Variants in SAP130 observed in about 807,000 individuals in gnomAD.
SAP130 encodes the protein histone deacetylase complex subunit SAP130.
SAP130 carries 16 observed loss-of-function variants against 103.2 expected under a neutral mutation model. The ratio of observed to expected loss-of-function variants is 0.16; its 90% CI spans 0.10 to 0.24. The LOEUF (loss-of-function observed/expected upper bound fraction) is 0.24. SAP130 is among the 10% of genes least tolerant of loss of function. The pLI, the probability that SAP130 is intolerant of heterozygous loss-of-function variation, is 1.00. For missense variants in SAP130, 990 were observed against 1,359.7 expected, an observed-to-expected ratio of 0.73 and a Z score of 4.28; for synonymous variants, 477 against 497.0, an observed-to-expected ratio of 0.96 and a Z score of 0.53.
intron 1 of SAP130, chr2:128,027,440 C>G (rs1012939822): frequency 1.8e-6 from 2 of 1,112,510 alleles, no homozygotes; most frequent in Admixed American, 1.0e-4. Flanking sequence ...CAGGCGCGAG[C>G]CTGGCCGGGG....
chr2:127,971,004 G>A (rs1053849962), intron 15 of SAP130, among the ~76,000 whole-genome samples: 1 of 151,660 alleles, frequency 6.6e-6, no homozygotes, highest in African/African-American at 2.4e-5. Context: ...AGGCTGCAGT[G>A]GAATGACATG....
At chr2:128,027,223 G>A (rs1685576234) in intron 1 of SAP130, 2 of 1,204,030 alleles carry the variant, frequency 1.7e-6, no homozygotes, top group Non-Finnish European at 2.1e-6. Flanking sequence ...GGCGCCCGGG[G>A]CCCGCTGCTG....
chr2:128,007,114 A>T (rs1684037000), intron 7 of SAP130, among the ~76,000 whole-genome samples: 1 of 152,252 alleles, frequency 6.6e-6, no homozygotes, highest in South Asian at 2.1e-4. Flanking sequence ...AAAAATAAAA[A>T]GCCTACCCCT....
In SAP130 at chr2:127,996,031, T is replaced by C. The variant is rs966158515; in HGVS notation, c.1355+319A>G. On this transcript the variant is annotated intron_variant, in intron 11 of 20. Transcript: ENST00000643581. This position sits in a 1 kb window ranked among gnomAD's most constrained non-coding sequence, Gnocchi z 4.3. The stretch of plus-strand genomic sequence containing the variant: ...ACCGCGGTGACATCAAAGAATGTCT[T>C]TACTCTTCCGTGCTACAAATGGAGG... Among the ~76,000 whole-genome samples, 1 of 152,160 alleles carries C rather than the reference T, an allele frequency of 6.6e-6. No individual in the cohort carries two copies. Among genetic ancestry groups the C allele is most frequent in the African/African-American group, 2.4e-5 (1 of 41,436 alleles).
chr2:127,941,871 T>C lies in SAP130; in HGVS notation c.*135A>G. The C allele has an allele frequency of 1.3e-6, 1 of 798,808 alleles. No individual in the cohort carries two copies. The highest frequency in any genetic ancestry group is 2.0e-6 in the Non-Finnish European group (1 of 494,602). 49.5% of individuals were successfully genotyped at this position (798,808 alleles called of 1,614,324 possible). A position where few individuals can be genotyped will look rare whatever the true frequency, so the allele number is the denominator to read the frequency against. ...TTTCACGCCCTTGGATGTCATGGGT[T>C]CCTCTGCTTTCACACGGGAACTAAG... On this transcript the variant is annotated 3_prime_UTR_variant, in exon 21 of 21. Coordinates refer to ENST00000643581, the MANE Select transcript of SAP130 (RefSeq NM_001330301.2).
At chr2:128,005,296 T>C (rs1683874147) in intron 7 of SAP130, among the ~76,000 whole-genome samples, 1 of 151,924 alleles carries the variant, frequency 6.6e-6, no homozygotes, top group Non-Finnish European at 1.5e-5. Context: ...AAAGCAACAT[T>C]AAAGGGAACA....
intron 18 of SAP130, among the ~76,000 whole-genome samples, chr2:127,947,771 T>TGTGAGTGTGTGTGTGC (rs1241776801): frequency 7.0e-6 from 1 of 142,534 alleles, no homozygotes; most frequent in Non-Finnish European, 1.5e-5. Flanking sequence ...TGTCTGTGTG[T>TGTGAGTGTGTGTGTGC]GTGTGTGTGT....
At chr2:127,957,501 C>T (rs1679925809) in intron 15 of SAP130, among the ~76,000 whole-genome samples, 2 of 151,864 alleles carry the variant, frequency 1.3e-5, no homozygotes, top group Non-Finnish European at 2.9e-5. Context: ...ATAGGGAAAC[C>T]CCAAAACTAC....
rs1682299285 is a variant in SAP130, at chr2:127,985,347, T to A, written c.1958+1438A>T. Among the ~76,000 whole-genome samples, 3 of 152,212 alleles carry A rather than the reference T, an allele frequency of 2.0e-5. No homozygotes were observed. The South Asian group carries it at 6.2e-4, about 32-fold the overall frequency. ...GGACTCTGGTATATGCACAGCTCTG[T>A]GCAAATAAAAACCCTGCATGGACCC... On this transcript the variant is annotated intron_variant, in intron 14 of 20. Coordinates refer to ENST00000643581, the MANE Select transcript of SAP130 (RefSeq NM_001330301.2).
chr2:127,949,562 G>A (rs939579559), intron 18 of SAP130, among the ~76,000 whole-genome samples: 1 of 152,162 alleles, frequency 6.6e-6, no homozygotes, highest in Non-Finnish European at 1.5e-5. Flanking sequence ...AATGACTCTG[G>A]AAGCCACAGG....
intron 15 of SAP130, among the ~76,000 whole-genome samples, chr2:127,974,723 G>T (rs934769981): frequency 6.6e-6 from 1 of 152,208 alleles, no homozygotes; most frequent in African/African-American, 2.4e-5. Context: ...TGAGGCAGGA[G>T]AATCGGTTGA....
rs1297519103 is a variant in SAP130, at chr2:128,000,414, T to C, written c.910A>G (p.Ile304Val). 8 of 1,614,054 alleles carry C rather than the reference T, an allele frequency of 5.0e-6. No homozygotes were observed. Among genetic ancestry groups the C allele is most frequent in the East Asian group, 2.2e-5 (1 of 44,888 alleles). ...GACTGGGCAGGACGCTGAATACTGATTGCTGCAGATGGAGGATGCTGGATA... is the reference window on the plus strand; with the variant it reads ...GACTGGGCAGGACGCTGAATACTGACTGCTGCAGATGGAGGATGCTGGATA... ...LSIQHPPSAAISIQRPAQSRD... is the reference protein window; with the variant it reads ...LSIQHPPSAAVSIQRPAQSRD... The change falls in exon 8 of 21, where the codon ATC becomes GTC. Residue 304 changes from isoleucine to valine, a missense_variant. Around this residue, in one of 6 missense-constraint regions of SAP130, gnomAD observed 336 missense variants for 520.1 expected, o/e 0.65. Transcript: ENST00000643581.
intron 15 of SAP130, among the ~76,000 whole-genome samples, chr2:127,966,349 A>T (rs922020442): frequency 8.5e-5 from 13 of 152,134 alleles, no homozygotes; most frequent in African/African-American, 3.1e-4. Flanking sequence ...CGTCTCAAAA[A>T]AATAAAAATA....
chr2:128,020,833 C>G (rs985862400), intron 2 of SAP130, among the ~76,000 whole-genome samples: 1 of 151,950 alleles, frequency 6.6e-6, no homozygotes, highest in South Asian at 2.1e-4. Flanking sequence ...CCCGTCTCCA[C>G]AAAAATACAA....
intron 14 of SAP130, among the ~76,000 whole-genome samples, chr2:127,980,999 C>T (rs993861118): frequency 6.6e-6 from 1 of 152,114 alleles, no homozygotes; most frequent in African/African-American, 2.4e-5. Context: ...TCATATGATT[C>T]TATCTATCCA....
intron 10 of SAP130, among the ~76,000 whole-genome samples, chr2:127,998,343 T>C (rs1683314396): frequency 6.6e-6 from 1 of 152,190 alleles, no homozygotes; most frequent in Admixed American, 6.5e-5. Flanking sequence ...GCAAAAACCT[T>C]ATACTTGTGA....
intron 10 of SAP130, among the ~76,000 whole-genome samples, chr2:127,997,527 G>C (rs1683253796): frequency 6.6e-6 from 1 of 152,206 alleles, no homozygotes; most frequent in Admixed American, 6.5e-5. Context: ...AGCTGGAGAA[G>C]TTTTCGCAGG....
At chr2:127,972,281 A>C (rs996992682) in intron 15 of SAP130, among the ~76,000 whole-genome samples, 1 of 152,212 alleles carries the variant, frequency 6.6e-6, no homozygotes, top group Non-Finnish European at 1.5e-5. Context: ...ACACTTGAAA[A>C]CTAAGTCCAT....
At chr2:128,003,957 CT>C (rs61211577) in intron 7 of SAP130, among the ~76,000 whole-genome samples, 996 of 67,272 alleles carry the variant, frequency 0.015, 1 homozygote, top group Admixed American at 0.025. Context: ...CACAGATCAG[CT>C]TTTTTTTTTT....
Sources: gnomAD v4.1 joint callset for allele counts (sites outside exome capture counted in the v4.1 genomes callset) on GRCh38, gnomAD v4.1.1 for gene constraint, gnomAD v4.1.1 regional missense constraint, Gnocchi (gnomAD v3.1) non-coding constraint, MANE v1.5 for transcripts, NCBI Gene and HGNC (gene_info 2026-07-23, HGNC 2026-07-21) for gene names.